C10orf90: variants seen among roughly 807,000 people sequenced by gnomAD.
C10orf90 encodes (E2-independent) E3 ubiquitin-conjugating enzyme FATS.
C10orf90 carries 56 observed loss-of-function variants against 62.5 expected under a neutral mutation model. That is an observed-to-expected ratio of 0.90 (90% CI 0.72 to 1.12). The LOEUF is 1.12. C10orf90 is among the 50% of genes most tolerant of loss of function. C10orf90 has a pLI of 0.00. For synonymous variants in C10orf90, 386 were observed against 340.4 expected (o/e 1.13, Z -1.47); for missense variants, 970 against 880.4 (o/e 1.10, Z -1.29).
chr10:126,607,194 A>G (rs1320454071), intron 2 of C10orf90, among the ~76,000 whole-genome samples: 1 of 152,208 alleles, frequency 6.6e-6, no homozygotes, highest in East Asian at 1.9e-4. Flanking sequence ...ACACTTAAAC[A>G]ACAATGTTCC....
At chr10:126,594,917 C>T (rs1845054668) in intron 2 of C10orf90, among the ~76,000 whole-genome samples, 1 of 152,100 alleles carries the variant, frequency 6.6e-6, no homozygotes, top group African/African-American at 2.4e-5. Context: ...GGACTGTGTC[C>T]TCAGTGAAAT....
chr10:126,499,663 C>T (rs1344966176), intron 4 of C10orf90, among the ~76,000 whole-genome samples: 3 of 152,208 alleles, frequency 2.0e-5, no homozygotes. Context: ...GCAAGGACTT[C>T]TGCCTTCCAG....
At chr10:126,429,894 C>G in intron 7 of C10orf90, 44 bp from the exon 8 acceptor site, 1 of 1,489,278 alleles carries the variant, frequency 6.7e-7, no homozygotes, top group African/African-American at 1.4e-5. Flanking sequence ...GGCATAGAAT[C>G]TCACACATTT....
chr10:126,428,413 C>A (rs1857380628), intron 8 of C10orf90, among the ~76,000 whole-genome samples: 2 of 151,994 alleles, frequency 1.3e-5, no homozygotes, highest in East Asian at 3.9e-4. Context: ...GCAAAGAATA[C>A]AAAGAAAAGA....
chr10:126,516,886 G>T (rs537058065), intron 2 of C10orf90, among the ~76,000 whole-genome samples: 2 of 26,338 alleles, frequency 7.6e-5, no homozygotes, highest in South Asian at 1.0e-3. Flanking sequence ...TCACAGCCCC[G>T]CATCACTCAA....
intron 6 of C10orf90, among the ~76,000 whole-genome samples, chr10:126,459,511 A>T (rs925260964): frequency 3.3e-5 from 5 of 152,176 alleles, no homozygotes; most frequent in African/African-American, 1.2e-4. Flanking sequence ...CTGCCCATTC[A>T]TCTTTCTACC....
chr10:126,536,414 G>C (rs780353592), intron 2 of C10orf90, among the ~76,000 whole-genome samples: 6 of 152,240 alleles, frequency 3.9e-5, no homozygotes, highest in Admixed American at 6.5e-5. Flanking sequence ...TGACTACTGC[G>C]TACTATCTGC....
chr10:126,570,259 G>A (rs1313754437), intron 2 of C10orf90, among the ~76,000 whole-genome samples: 1 of 152,204 alleles, frequency 6.6e-6, no homozygotes, highest in Non-Finnish European at 1.5e-5. Context: ...TAAGGTTTAT[G>A]TCAATCAGTA....
chr10:126,572,243 C>T (rs1238546857), intron 2 of C10orf90, among the ~76,000 whole-genome samples: 1 of 152,164 alleles, frequency 6.6e-6, no homozygotes, highest in Non-Finnish European at 1.5e-5. Flanking sequence ...ATGCGAGTGA[C>T]CTCTGATCAT....
intron 7 of C10orf90, among the ~76,000 whole-genome samples, chr10:126,457,802 C>A (rs1298041726): frequency 6.6e-6 from 1 of 152,148 alleles, no homozygotes; most frequent in Non-Finnish European, 1.5e-5. Context: ...TGTGCCTGAA[C>A]CCAGTTTTCT....
intron 2 of C10orf90, among the ~76,000 whole-genome samples, chr10:126,565,602 C>T (rs1397571890): frequency 2.6e-5 from 4 of 151,008 alleles, no homozygotes; most frequent in African/African-American, 9.8e-5. Context: ...AAACTTCGCA[C>T]TCTGCGGTCC....
At chr10:126,484,918 G>C (rs1029358797) in intron 4 of C10orf90, among the ~76,000 whole-genome samples, 1 of 152,144 alleles carries the variant, frequency 6.6e-6, no homozygotes. Context: ...AGGGAAAACA[G>C]GTCACTCTAA....
Position 126,598,523 on chromosome 10 carries a change from A to G in C10orf90, c.313+48042T>C, listed in dbSNP as rs142310974. Among the ~76,000 whole-genome samples, 37 of 152,298 alleles carry G rather than the reference A, an allele frequency of 2.4e-4. No individual in the cohort carries two copies. In the East Asian group the frequency reaches 6.7e-3, roughly 28 times the overall value. On this transcript the variant is annotated intron_variant, in intron 2 of 9. Transcript: ENST00000488181. ...TTCCAGCTATGCCACCCCACAGGTTATGATTTAAGCATCCATAACACCAAT... is the reference window on the plus strand; with the variant it reads ...TTCCAGCTATGCCACCCCACAGGTTGTGATTTAAGCATCCATAACACCAAT...
chr10:126,614,048 C>T (rs1433754041), intron 2 of C10orf90, among the ~76,000 whole-genome samples: 1 of 152,162 alleles, frequency 6.6e-6, no homozygotes, highest in Non-Finnish European at 1.5e-5. Context: ...GGTTACATGT[C>T]CTCATCACAC....
chr10:126,514,466 G>A (rs922624367), intron 2 of C10orf90, among the ~76,000 whole-genome samples: 1 of 152,170 alleles, frequency 6.6e-6, no homozygotes, highest in East Asian at 1.9e-4. Flanking sequence ...TCCCCCACAT[G>A]TGCCTCTCTG....
chr10:126,598,426 C>T (rs1004359373), intron 2 of C10orf90, among the ~76,000 whole-genome samples: 3 of 152,012 alleles, frequency 2.0e-5, no homozygotes, highest in African/African-American at 7.2e-5. Flanking sequence ...TATATGATGC[C>T]CATATGAGAA....
intron 2 of C10orf90, among the ~76,000 whole-genome samples, chr10:126,557,605 A>T (rs1217712023): frequency 6.6e-6 from 1 of 151,818 alleles, no homozygotes; most frequent in Non-Finnish European, 1.5e-5. Context: ...CACATATACC[A>T]TTTCTTTAGC....
intron 2 of C10orf90, among the ~76,000 whole-genome samples, chr10:126,644,878 C>T (rs533027317): frequency 3.2e-4 from 48 of 152,220 alleles, no homozygotes; most frequent in Non-Finnish European, 6.2e-4. Flanking sequence ...TGGGAGCCTG[C>T]CTTTGCTGTT....
chr10:126,447,639 A>G (rs1240307020), intron 7 of C10orf90, among the ~76,000 whole-genome samples: 1 of 152,194 alleles, frequency 6.6e-6, no homozygotes, highest in South Asian at 2.1e-4. Flanking sequence ...AAGGAAATCA[A>G]CAAGAAAACA....
Sources: allele counts gnomAD v4.1 joint callset (sites outside exome capture counted in the v4.1 genomes callset), GRCh38; gene constraint gnomAD v4.1.1; transcripts MANE v1.5; gene names NCBI Gene and HGNC (gene_info 2026-07-23, HGNC 2026-07-21).